The following R3HCC1L variants were observed in gnomAD, a reference collection of about 807,000 sequenced individuals.
R3HCC1L encodes R3H domain and coiled-coil containing 1 like.
A neutral mutation model predicts 59.9 loss-of-function variants in R3HCC1L; 51 were observed. The observed-to-expected ratio is 0.85, with a 90% CI of 0.68 to 1.07. The LOEUF is 1.07. Ranked by LOEUF, R3HCC1L falls within the 50% of genes least tolerant of loss-of-function variation. The probability of loss-of-function intolerance (pLI) is 0.00; values close to 1 mark genes in which losing one functional copy is unlikely to be tolerated. For synonymous variants in R3HCC1L, 322 were observed against 315.2 expected (o/e 1.02, Z -0.23); for missense variants, 965 against 933.0 (o/e 1.03, Z -0.45).
intron 5 of R3HCC1L, among the ~76,000 whole-genome samples, chr10:98,224,009 G>A (rs1170097261): frequency 6.6e-6 from 1 of 152,098 alleles, no homozygotes; most frequent in African/African-American, 2.4e-5. Context: ...GGGGGTTGTG[G>A]CGGGTCAATC....
At chr10:98,221,858 T>G (rs372501918) in intron 5 of R3HCC1L, among the ~76,000 whole-genome samples, 78 of 152,220 alleles carry the variant, frequency 5.1e-4, no homozygotes, top group African/African-American at 1.4e-3. Context: ...ACTTGGCGAT[T>G]CGGGCTCTTT....
rs1157661263 is a variant in R3HCC1L, at chr10:98,195,440, A to G, written c.-14-12661A>G. On this transcript the variant is annotated intron_variant, in intron 4 of 9. Transcript: ENST00000298999. Reference sequence around the variant, plus strand: ...TTGAGAATTGTGAAGAGGTAAATTTATGTTCTTTTTTTTTTTTTTACTACA... The same window carrying G: ...TTGAGAATTGTGAAGAGGTAAATTTGTGTTCTTTTTTTTTTTTTTACTACA... Among the ~76,000 whole-genome samples, 6 of 150,976 alleles carry G rather than the reference A, an allele frequency of 4.0e-5. No homozygotes were observed. The East Asian group carries it at 7.7e-4, about 19-fold the overall frequency.
At chr10:98,203,394 A>G (rs755297523) in intron 4 of R3HCC1L, among the ~76,000 whole-genome samples, 8 of 152,234 alleles carry the variant, frequency 5.3e-5, no homozygotes, top group Non-Finnish European at 1.2e-4. Flanking sequence ...TGTAACATCT[A>G]TAGGTATGAA....
intron 1 of R3HCC1L, among the ~76,000 whole-genome samples, chr10:98,145,296 A>G (rs1845545580): frequency 6.6e-6 from 1 of 152,236 alleles, no homozygotes; most frequent in African/African-American, 2.4e-5. Flanking sequence ...AAAAATAGAA[A>G]ACATGATATC....
intron 4 of R3HCC1L, among the ~76,000 whole-genome samples, chr10:98,165,237 C>T (rs1847823006): frequency 6.6e-6 from 1 of 152,204 alleles, no homozygotes; most frequent in Admixed American, 6.5e-5. Flanking sequence ...GCACTTCCAG[C>T]CTGGGCGACA....
At chr10:98,190,166 CTG>C (rs1564668648) in intron 4 of R3HCC1L, among the ~76,000 whole-genome samples, 1 of 152,160 alleles carries the variant, frequency 6.6e-6, no homozygotes, top group Non-Finnish European at 1.5e-5. Context: ...CGAGGAAAAT[CTG>C]TGCATGTTCA....
At chr10:98,213,053 C>G (rs1194810239) in intron 5 of R3HCC1L, among the ~76,000 whole-genome samples, 2 of 152,040 alleles carry the variant, frequency 1.3e-5, no homozygotes, top group Non-Finnish European at 2.9e-5. Context: ...CTGTCTCTGT[C>G]TCCCTATAGT....
At chr10:98,196,452 T>G (rs1851443177) in intron 4 of R3HCC1L, among the ~76,000 whole-genome samples, 1 of 152,206 alleles carries the variant, frequency 6.6e-6, no homozygotes, top group Admixed American at 6.5e-5. Flanking sequence ...TGTATTTATT[T>G]ATTTATTTGA....
intron 7 of R3HCC1L, 43 bp downstream of exon 7, chr10:98,234,559 T>C: frequency 6.4e-7 from 1 of 1,552,420 alleles, no homozygotes. Context: ...TTATTGTTCA[T>C]TTTCTCATGC....
chr10:98,199,135 T>C (rs1430885239), intron 4 of R3HCC1L, among the ~76,000 whole-genome samples: 1 of 152,102 alleles, frequency 6.6e-6, no homozygotes, highest in African/African-American at 2.4e-5. Flanking sequence ...TTCAAGTGCT[T>C]GATAGCTACT....
intron 2 of R3HCC1L, among the ~76,000 whole-genome samples, chr10:98,161,221 G>A (rs767341653): frequency 6.6e-6 from 1 of 152,134 alleles, no homozygotes; most frequent in South Asian, 2.1e-4. Flanking sequence ...TTGCTAACTT[G>A]ATAGGTAAGA....
intron 1 of R3HCC1L, among the ~76,000 whole-genome samples, chr10:98,142,963 C>CA (rs1425642580): frequency 4.8e-5 from 7 of 144,628 alleles, no homozygotes; most frequent in Non-Finnish European, 1.1e-4. Context: ...CAAAACAAAA[C>CA]AAAACAAAAA....
At chr10:98,186,230 A>C (rs1850214592) in intron 4 of R3HCC1L, among the ~76,000 whole-genome samples, 1 of 152,156 alleles carries the variant, frequency 6.6e-6, no homozygotes, top group African/African-American at 2.4e-5. Context: ...ATATCTAAGT[A>C]ATATGTAAGT....
intron 3 of R3HCC1L, 21 bp from the exon 4 acceptor site, chr10:98,163,272 C>T: frequency 2.0e-6 from 1 of 488,252 alleles, no homozygotes; most frequent in Non-Finnish European, 3.5e-6. Context: ...ATAAAAATAA[C>T]TTATTATTAC....
intron 1 of R3HCC1L, among the ~76,000 whole-genome samples, chr10:98,139,980 A>C (rs542226529): frequency 6.6e-6 from 1 of 151,992 alleles, no homozygotes; most frequent in Non-Finnish European, 1.5e-5. Context: ...CAAACTGAAC[A>C]TGAGGATACG....
Position 98,235,410 on chromosome 10 carries a change from T to C in R3HCC1L, c.2033-15T>C, listed in dbSNP as rs1442305381. 2.5e-6 allele frequency: 4 copies of C among 1,607,486 alleles called. No homozygotes were observed. Among genetic ancestry groups the C allele is most frequent in the Non-Finnish European group, 3.4e-6 (4 of 1,174,384 alleles). ...CTACTTCATGTCTTCTGCTTCCTTT[T>C]ATTCCTCTTTGCAGCTCGTGATGCG... On this transcript the variant is annotated splice_polypyrimidine_tract_variant and intron_variant, in intron 7 of 9. Transcript: ENST00000298999.
chr10:98,207,730 C>A (rs1180146582), intron 4 of R3HCC1L, among the ~76,000 whole-genome samples: 1 of 151,732 alleles, frequency 6.6e-6, no homozygotes, highest in African/African-American at 2.4e-5. Flanking sequence ...AAAGGCCGGG[C>A]ACAGTGGTTC....
rs754904144 is a variant in R3HCC1L, at chr10:98,209,421, A to G, written c.1307A>G (p.Asp436Gly). 1 of 1,613,656 alleles carries G rather than the reference A, an allele frequency of 6.2e-7. No homozygotes were observed. The highest frequency in any genetic ancestry group is 8.5e-7 in the Non-Finnish European group (1 of 1,179,978). ...HVARSGNDTE[D>G]FSNPSACSDI... ...GCTAGAAGTGGGAATGACACTGAAG[A>G]TTTCAGCAACCCTTCTGCTTGCTCA... The change falls in exon 5 of 10, where the codon GAT becomes GGT. Residue 436 changes from aspartate to glycine, a missense_variant. Transcript: ENST00000298999.
chr10:98,145,387 G>A (rs1262754910), intron 1 of R3HCC1L, among the ~76,000 whole-genome samples: 1 of 152,212 alleles, frequency 6.6e-6, no homozygotes, highest in Non-Finnish European at 1.5e-5. Flanking sequence ...GACATATGAA[G>A]TGTACTGTGT....
Sources: gnomAD v4.1 joint callset for allele counts (sites outside exome capture counted in the v4.1 genomes callset) on GRCh38, gnomAD v4.1.1 for gene constraint, MANE v1.5 for transcripts, NCBI Gene and HGNC (gene_info 2026-07-23, HGNC 2026-07-21) for gene names.